SHISA6: variants seen among roughly 807,000 people sequenced by gnomAD.
SHISA6 encodes the protein shisa family member 6, also known as protein shisa-6.
In SHISA6, 22 loss-of-function variants were observed where a neutral mutation model predicts 47.9. The observed-to-expected ratio is 0.46, with a 90% CI of 0.33 to 0.66. SHISA6 has a LOEUF of 0.66. SHISA6 is among the 30% of genes least tolerant of loss of function. The pLI is 0.02. For synonymous variants in SHISA6, 388 were observed against 337.8 expected, an observed-to-expected ratio of 1.15 and a Z score of -1.63; for missense variants, 680 against 764.6, an observed-to-expected ratio of 0.89 and a Z score of 1.30.
At chr17:11,299,603 G>A (rs74642450) in intron 2 of SHISA6, among the ~76,000 whole-genome samples, 1 of 152,114 alleles carries the variant, frequency 6.6e-6, no homozygotes, top group Non-Finnish European at 1.5e-5. Context: ...GGGGAGAATC[G>A]ATTTCCTTGC....
intron 2 of SHISA6, among the ~76,000 whole-genome samples, chr17:11,294,213 G>A (rs1045801774): frequency 5.3e-5 from 8 of 152,240 alleles, no homozygotes; most frequent in African/African-American, 1.7e-4. Flanking sequence ...TCAATACTGA[G>A]GGGATATCAG....
chr17:11,524,795 G>T (rs1232475978), intron 3 of SHISA6, among the ~76,000 whole-genome samples: 1 of 151,960 alleles, frequency 6.6e-6, no homozygotes, highest in Non-Finnish European at 1.5e-5. Context: ...CACTGCGCCC[G>T]GTCTATTTCT....
At chr17:11,512,538 AT>A (rs912581669) in intron 3 of SHISA6, among the ~76,000 whole-genome samples, 18 of 152,074 alleles carry the variant, frequency 1.2e-4, no homozygotes, top group South Asian at 4.1e-4. Context: ...TTCAAATTGA[AT>A]TTTTTTTAAA....
intron 3 of SHISA6, among the ~76,000 whole-genome samples, chr17:11,383,662 G>A (rs923792086): frequency 6.6e-6 from 1 of 152,052 alleles, no homozygotes; most frequent in African/African-American, 2.4e-5. Flanking sequence ...TAACTGAATG[G>A]CATACTCATT....
At chr17:11,487,753 C>T (rs1422933450) in intron 3 of SHISA6, among the ~76,000 whole-genome samples, 1 of 152,150 alleles carries the variant, frequency 6.6e-6, no homozygotes, top group Non-Finnish European at 1.5e-5. Context: ...TTTTGAGTTC[C>T]AGCTTGGAAT....
chr17:11,343,484 A>T (rs1911602078), intron 2 of SHISA6, among the ~76,000 whole-genome samples: 2 of 152,322 alleles, frequency 1.3e-5, no homozygotes, highest in South Asian at 4.1e-4. Context: ...TCCAAAGGCT[A>T]TTGAGCTGGT....
In SHISA6 at chr17:11,476,657, A is replaced by G. The variant is rs192044085; in HGVS notation, c.896-75239A>G. 3.3e-5 allele frequency among the ~76,000 whole-genome samples: 5 copies of G among 151,730 alleles called. No individual in the cohort carries two copies. In the East Asian group the frequency reaches 9.7e-4, roughly 29 times the overall value. On this transcript the variant is annotated intron_variant, in intron 3 of 5. Coordinates refer to ENST00000441885, the MANE Select transcript of SHISA6 (RefSeq NM_207386.4). ...GAACAGATGTTATGTTAAATTCATT[A>G]AGGCATATTTCCTGGCCCAGAATAT...
At chr17:11,450,474 T>C (rs1915366560) in intron 3 of SHISA6, among the ~76,000 whole-genome samples, 1 of 151,920 alleles carries the variant, frequency 6.6e-6, no homozygotes, top group South Asian at 2.1e-4. Context: ...CTGGCCAACA[T>C]GGTGAAACCC....
chr17:11,270,187 G>A (rs1350552461), intron 2 of SHISA6, among the ~76,000 whole-genome samples: 1 of 152,164 alleles, frequency 6.6e-6, no homozygotes, highest in Non-Finnish European at 1.5e-5. Context: ...TGTTGGTCAG[G>A]CTAGTCTCAA....
At chr17:11,290,194 A>C (rs1159131291) in intron 2 of SHISA6, 1 of 149,562 alleles carries the variant, frequency 6.7e-6, no homozygotes, top group Non-Finnish European at 1.5e-5. Flanking sequence ...ATTATACCCA[A>C]TTTTGGAAAT....
chr17:11,502,378 C>CAG (rs1001277374), intron 3 of SHISA6, among the ~76,000 whole-genome samples: 8 of 127,402 alleles, frequency 6.3e-5, no homozygotes, highest in African/African-American at 2.4e-4. Flanking sequence ...CACTGGACTC[C>CAG]AGCCTGGGCG....
Position 11,324,135 on chromosome 17 carries a change from G to A in SHISA6, c.800-55279G>A, listed in dbSNP as rs565286283. ...CCCACATCTCTTGGGAATATTTCCC[G>A]TCCATCTGCAGCTCTTCTCAGCTTT... On this transcript the variant is annotated intron_variant, in intron 2 of 5. Transcript: ENST00000441885. Among the ~76,000 whole-genome samples the A allele has an allele frequency of 1.3e-4, 20 of 152,170 alleles. 1 individual carries two copies. In the East Asian group the frequency reaches 3.3e-3, roughly 25 times the overall value.
chr17:11,518,672 TA>T (rs2071604988), intron 3 of SHISA6, among the ~76,000 whole-genome samples: 1 of 152,156 alleles, frequency 6.6e-6, no homozygotes, highest in East Asian at 1.9e-4. Context: ...AGAGAGTTTT[TA>T]AAACTACAGA....
At chr17:11,346,714 T>C (rs978768017) in intron 2 of SHISA6, among the ~76,000 whole-genome samples, 1 of 152,218 alleles carries the variant, frequency 6.6e-6, no homozygotes, top group African/African-American at 2.4e-5. Flanking sequence ...TATTTTGTTA[T>C]GTTGAAATAA....
Position 11,377,045 on chromosome 17 carries a change from A to G in SHISA6, c.800-2369A>G, listed in dbSNP as rs950604686. On this transcript the variant is annotated intron_variant, in intron 2 of 5. Transcript: ENST00000441885. ...CCCAATGGATGGCTTTGAAAAACATAAAAGCTTCATAGACAGTTCAGTGAT... is the reference window on the plus strand; with the variant it reads ...CCCAATGGATGGCTTTGAAAAACATGAAAGCTTCATAGACAGTTCAGTGAT... Among the ~76,000 whole-genome samples the G allele has an allele frequency of 6.6e-5, 10 of 152,338 alleles. No individual in the cohort carries two copies. In the South Asian group the frequency reaches 2.1e-3, roughly 32 times the overall value.
At chr17:11,409,064 C>G (rs1269946559) in intron 3 of SHISA6, among the ~76,000 whole-genome samples, 2 of 151,998 alleles carry the variant, frequency 1.3e-5, no homozygotes, top group Non-Finnish European at 2.9e-5. Flanking sequence ...ATGATTTTTT[C>G]AAGCATAAAA....
chr17:11,317,845 TA>T (rs1186731543), intron 2 of SHISA6, among the ~76,000 whole-genome samples: 11 of 104,182 alleles, frequency 1.1e-4, no homozygotes, highest in Non-Finnish European at 1.7e-4. Flanking sequence ...ATAATTATTT[TA>T]ATTCTTTTTG....
At chr17:11,294,268 C>T (rs1054790530) in intron 2 of SHISA6, among the ~76,000 whole-genome samples, 2 of 152,218 alleles carry the variant, frequency 1.3e-5, no homozygotes, top group African/African-American at 4.8e-5. Context: ...CAAAGGCTCC[C>T]ATACAGTCTT....
intron 2 of SHISA6, among the ~76,000 whole-genome samples, chr17:11,263,950 C>T (rs1357615803): frequency 6.6e-6 from 1 of 152,198 alleles, no homozygotes; most frequent in East Asian, 1.9e-4. Flanking sequence ...GAGCTCCTTC[C>T]TGAGGGTGAG....
Sources: allele counts gnomAD v4.1 joint callset (sites outside exome capture counted in the v4.1 genomes callset), GRCh38; gene constraint gnomAD v4.1.1; transcripts MANE v1.5; gene names NCBI Gene and HGNC (gene_info 2026-07-23, HGNC 2026-07-21).